The following TMEM132B variants were observed in gnomAD, a reference collection of about 807,000 sequenced individuals.
The protein encoded by TMEM132B is transmembrane protein 132B.
A neutral mutation model predicts 90.8 loss-of-function variants in TMEM132B; 18 were observed. The observed-to-expected ratio is 0.20, with a 90% confidence interval of 0.14 to 0.29. The LOEUF is 0.29. TMEM132B is among the 10% of genes least tolerant of loss of function. The pLI, the probability that TMEM132B is intolerant of heterozygous loss-of-function variation, is 1.00. For synonymous variants in TMEM132B, 504 were observed against 523.3 expected (o/e 0.96, Z 0.50); for missense variants, 1,096 against 1,326.8 (o/e 0.83, Z 2.70).
intron 1 of TMEM132B, among the ~76,000 whole-genome samples, chr12:125,237,157 T>C (rs1260848588): frequency 6.6e-6 from 1 of 152,182 alleles, no homozygotes; most frequent in African/African-American, 2.4e-5. Context: ...AATGCTAATA[T>C]GGCCAGAGAG....
At chr12:125,397,824 G>A (rs1321821284) in intron 2 of TMEM132B, among the ~76,000 whole-genome samples, 1 of 152,248 alleles carries the variant, frequency 6.6e-6, no homozygotes, top group Non-Finnish European at 1.5e-5. Context: ...ATGAAAAGAA[G>A]TGAAGTGGAT....
At chr12:125,491,206 G>T (rs1040068944) in intron 3 of TMEM132B, among the ~76,000 whole-genome samples, 2 of 151,914 alleles carry the variant, frequency 1.3e-5, no homozygotes, top group African/African-American at 4.8e-5. Flanking sequence ...GGGATAATTT[G>T]CTATTAGCAA....
At position 125,653,846 on chromosome 12, in the gene TMEM132B, A is replaced by G. The variant is rs879007648; in HGVS notation, c.2388A>G (p.Pro796=). 6 of 1,614,190 alleles carry G rather than the reference A, an allele frequency of 3.7e-6. No homozygotes were observed. The highest frequency in any genetic ancestry group is 1.3e-5 in the African/African-American group (1 of 75,040). ...GAAATGTCAAGGTCAAATTCGAACC[A>G]AGTAGTGATGAGCACCAAGGAGGCA... ...GKGNVKVKFE[P]SSDEHQGGSN... The change falls in exon 9 of 9, where the codon CCA becomes CCG. Residue 796 remains proline, a synonymous_variant. Transcript: ENST00000682704.
In TMEM132B at chr12:125,520,060, C is replaced by A. The variant is rs1883269769; in HGVS notation, c.1293+435C>A. ...TGGAAAACTCTAAAATGCAGATGGA[C>A]TGAAAGAGCCTTGCTGGGAACTGAC... On this transcript the variant is annotated intron_variant, in intron 4 of 8. Coordinates refer to ENST00000682704, the MANE Select transcript of TMEM132B (RefSeq NM_001366854.1). Among the ~76,000 whole-genome samples the A allele has an allele frequency of 1.3e-5, 2 of 152,162 alleles. 1 individual carries two copies. Among genetic ancestry groups the A allele is most frequent in the Admixed American group, 1.3e-4 (2 of 15,276 alleles).
Position 125,653,770 on chromosome 12 carries a change from G to A in TMEM132B, c.2312G>A (p.Ser771Asn). 1 of 1,614,208 alleles carries A rather than the reference G, an allele frequency of 6.2e-7. No homozygotes were observed. The change falls in exon 9 of 9, where the codon AGT becomes AAT. Residue 771 changes from serine to asparagine, a missense_variant. Ser to Asn is a conservative substitution (Grantham distance 46). Transcript: ENST00000682704. ...TTGATTAAGTTAGAAATGATGATAA[G>A]TGAACCTTGTCAGAAGACCAAGAGG... ...GPLIKLEMMI[S>N]EPCQKTKRKS... is the part of the protein sequence containing the mutation.
intron 3 of TMEM132B, among the ~76,000 whole-genome samples, chr12:125,473,304 C>T (rs757648282): frequency 2.6e-5 from 4 of 152,178 alleles, no homozygotes; most frequent in South Asian, 2.1e-4. Context: ...CCACCCCCCA[C>T]CATTAATTTT....
At chr12:125,544,211 A>C (rs1242770585) in intron 4 of TMEM132B, among the ~76,000 whole-genome samples, 1 of 152,148 alleles carries the variant, frequency 6.6e-6, no homozygotes, top group Non-Finnish European at 1.5e-5. Context: ...GTGGGTAGGG[A>C]GAGCATCAGG....
rs530992175 is a variant in TMEM132B, at chr12:125,316,915, C to T, written c.68-32537C>T. Among the ~76,000 whole-genome samples the T allele has an allele frequency of 3.5e-4, 53 of 152,286 alleles. 1 individual carries two copies. In the South Asian group the frequency reaches 0.01, roughly 30 times the overall value. ...CCTGATGTGACTCGCCTAAGGTCCC[C>T]GATAAATAAGTACATCTCTTTCTCA... On this transcript the variant is annotated intron_variant, in intron 1 of 8. Transcript: ENST00000682704.
intron 4 of TMEM132B, among the ~76,000 whole-genome samples, chr12:125,531,721 A>T (rs1883651923): frequency 6.6e-6 from 1 of 152,252 alleles, no homozygotes; most frequent in Non-Finnish European, 1.5e-5. Flanking sequence ...TATACGCACC[A>T]TTTCACCTGA....
intron 2 of TMEM132B, among the ~76,000 whole-genome samples, chr12:125,396,643 A>T (rs2136312378): frequency 6.6e-6 from 1 of 151,796 alleles, no homozygotes; most frequent in African/African-American, 2.4e-5. Flanking sequence ...GGTAGCTGGG[A>T]CTGCAGGCAC....
rs1223895295 is a variant in TMEM132B at position 125,459,475 on chromosome 12, T to G, written c.1106+43798T>G. On this transcript the variant is annotated intron_variant, in intron 3 of 8. Coordinates refer to ENST00000682704, the MANE Select transcript of TMEM132B (RefSeq NM_001366854.1). The surrounding 1 kb of genome is among the most constrained non-coding windows in gnomAD (Gnocchi z 4.1). ...TTGTGGGATGTAAAAATCAAAACAA[T>G]TGAAATCATGGACATAGAGAGTAAA... 6.6e-6 allele frequency among the ~76,000 whole-genome samples: 1 copy of G among 152,014 alleles called. No individual in the cohort carries two copies. The highest frequency in any genetic ancestry group is 1.5e-5 in the Non-Finnish European group (1 of 68,010).
chr12:125,243,116 T>C (rs1217573645), intron 1 of TMEM132B, among the ~76,000 whole-genome samples: 3 of 143,668 alleles, frequency 2.1e-5, no homozygotes, highest in Non-Finnish European at 3.0e-5. Flanking sequence ...TACACATATA[T>C]ATATATACAC....
intron 3 of TMEM132B, among the ~76,000 whole-genome samples, chr12:125,510,961 T>C (rs914365995): frequency 3.9e-5 from 6 of 151,920 alleles, no homozygotes; most frequent in African/African-American, 1.4e-4. Context: ...ATTCAGTCGT[T>C]TTTAGTATAT....
chr12:125,286,479 T>A (rs571633273), intron 1 of TMEM132B, among the ~76,000 whole-genome samples: 1 of 152,316 alleles, frequency 6.6e-6, no homozygotes, highest in South Asian at 2.1e-4. Context: ...CAGGAACACC[T>A]TTTGGTGGGA....
In TMEM132B at chr12:125,246,558, C is replaced by T. The variant is rs1001019275; in HGVS notation, c.67+59692C>T. Among the ~76,000 whole-genome samples, 3 of 152,198 alleles carry T rather than the reference C, an allele frequency of 2.0e-5. No homozygotes were observed. Among genetic ancestry groups the T allele is most frequent in the Non-Finnish European group, 4.4e-5 (3 of 68,040 alleles). On this transcript the variant is annotated intron_variant, in intron 1 of 8. Transcript: ENST00000682704. The surrounding 1 kb of genome is among the most constrained non-coding windows in gnomAD (Gnocchi z 4.2). ...CTTATTAAGTGATTCCCGTTTGCTT[C>T]GGCATGAATGCACAACATGCGAGAC...
chr12:125,243,010 C>CAT (rs763167605), intron 1 of TMEM132B, among the ~76,000 whole-genome samples: 9,780 of 108,984 alleles, frequency 0.09, 580 homozygotes, highest in African/African-American at 0.17. Flanking sequence ...TCTCTTTCTT[C>CAT]ATATATATAT....
At position 125,519,524 on chromosome 12, in the gene TMEM132B, T is replaced by C; in HGVS notation, c.1192T>C (p.Trp398Arg). The change falls in exon 4 of 9, where the codon TGG (tryptophan) becomes CGG (arginine). Residue 398 changes from tryptophan (W) to arginine (R), a missense_variant. Transcript: ENST00000682704. ...CCTGGCTGGGGCCCAGCAGATTACC[T>C]GGCAGGTGGAGTACCCGATTGAGGA... ...SDLAGAQQIT[W>R]QVEYPIEDSM... 6.2e-7 allele frequency: 1 copy of C among 1,614,138 alleles called. No individual in the cohort carries two copies. The highest frequency in any genetic ancestry group is 8.5e-7 in the Non-Finnish European group (1 of 1,180,014).
rs149634172 is a variant in TMEM132B at position 125,490,333 on chromosome 12, C to T, written c.1107-29106C>T. Among the ~76,000 whole-genome samples the T allele has an allele frequency of 6.6e-5, 10 of 152,252 alleles. No homozygotes were observed. The East Asian group carries it at 9.7e-4, about 15-fold the overall frequency. ...TAAAGACAGAAGGGGAATTCATACC[C>T]GTATCTGCCCAGCCTCAAAGTTCAA... On this transcript the variant is annotated intron_variant, in intron 3 of 8. Transcript: ENST00000682704. The surrounding 1 kb of genome is among the most constrained non-coding windows in gnomAD (Gnocchi z 4.2).
chr12:125,534,179 T>C (rs190012229), intron 4 of TMEM132B, among the ~76,000 whole-genome samples: 1 of 152,314 alleles, frequency 6.6e-6, no homozygotes, highest in Non-Finnish European at 1.5e-5. Flanking sequence ...GTTTCTGAAC[T>C]TCAAAAAACC....
Sources: allele counts gnomAD v4.1 joint callset (sites outside exome capture counted in the v4.1 genomes callset), GRCh38; gene constraint gnomAD v4.1.1; non-coding constraint Gnocchi (gnomAD v3.1); transcripts MANE v1.5; gene names NCBI Gene and HGNC (gene_info 2026-07-23, HGNC 2026-07-21).